Variants in SEMA5B observed in about 807,000 individuals in gnomAD.
SEMA5B encodes semaphorin 5B, also known as semaphorin-5B.
SEMA5B carries 66 observed loss-of-function variants against 135.0 expected under a neutral mutation model. That is an observed-to-expected ratio of 0.49 (90% confidence interval 0.40 to 0.60). The LOEUF (loss-of-function observed/expected upper bound fraction) is 0.60. Ranked by LOEUF, SEMA5B falls within the 20% of genes least tolerant of loss-of-function variation. The probability of loss-of-function intolerance (pLI) is 0.00; values close to 1 mark genes in which losing one functional copy is unlikely to be tolerated. For synonymous variants in SEMA5B, 690 were observed against 639.5 expected, an observed-to-expected ratio of 1.08 and a Z score of -1.19; for missense variants, 1,501 against 1,566.3, an observed-to-expected ratio of 0.96 and a Z score of 0.70.
chr3:123,006,855 C>T (rs1942327409), intron 1 of SEMA5B, among the ~76,000 whole-genome samples: 1 of 152,174 alleles, frequency 6.6e-6, no homozygotes, highest in African/African-American at 2.4e-5. Context: ...AACAGAAACA[C>T]AGCTGCTTAG....
intron 1 of SEMA5B, among the ~76,000 whole-genome samples, chr3:122,991,798 T>C (rs1941885115): frequency 6.6e-6 from 1 of 152,180 alleles, no homozygotes; most frequent in South Asian, 2.1e-4. Flanking sequence ...ATGTTCCCAG[T>C]GGGACCTCAG....
intron 2 of SEMA5B, 130 bp downstream of exon 2, chr3:122,961,010 C>T (rs1440863398): frequency 1.2e-5 from 11 of 945,084 alleles, no homozygotes; most frequent in Non-Finnish European, 1.7e-5. Context: ...AAAGGAAGAG[C>T]TGCTCAAATA....
intron 5 of SEMA5B, among the ~76,000 whole-genome samples, chr3:122,935,473 T>C (rs781481477): frequency 4.6e-5 from 7 of 152,092 alleles, no homozygotes; most frequent in Admixed American, 1.3e-4. Flanking sequence ...GAAGAAAGGA[T>C]TGCTGTTCAG....
At chr3:122,933,458 T>C (rs1051563963) in intron 5 of SEMA5B, among the ~76,000 whole-genome samples, 1 of 152,162 alleles carries the variant, frequency 6.6e-6, no homozygotes, top group African/African-American at 2.4e-5. Flanking sequence ...CTTTTTCTTT[T>C]TTTCTTTAGG....
intron 1 of SEMA5B, among the ~76,000 whole-genome samples, chr3:122,962,952 G>T (rs775862437): frequency 6.6e-6 from 1 of 152,172 alleles, no homozygotes; most frequent in African/African-American, 2.4e-5. Flanking sequence ...CTACAGGTCC[G>T]ATCTGGCCCA....
Position 122,912,058 on chromosome 3 carries a change from G to C in SEMA5B, c.2908C>G (p.Pro970Ala). ...GTGCACTTACTCCACTCAGACCAGG[G>C]CGACCAGCCTTCTGGGGATTGTGGG... ...ATQACPEGWS[P>A]WSEWSKCTDD... is the part of the protein sequence containing the mutation. The change falls in exon 20 of 23, where the codon CCC (proline) becomes GCC (alanine). Residue 970 changes from proline (P) to alanine (A), a missense_variant. Physicochemically the swap from Pro to Ala is conservative, Grantham distance 27. Transcript: ENST00000357599. The C allele has an allele frequency of 3.1e-6, 5 of 1,612,416 alleles. No individual in the cohort carries two copies. Among genetic ancestry groups the C allele is most frequent in the Non-Finnish European group, 4.2e-6 (5 of 1,178,780 alleles).
At chr3:122,997,140 C>A (rs908910666) in intron 1 of SEMA5B, among the ~76,000 whole-genome samples, 2 of 152,168 alleles carry the variant, frequency 1.3e-5, no homozygotes, top group Non-Finnish European at 2.9e-5. Context: ...GCCCTTTACC[C>A]CTTCACAACA....
intron 2 of SEMA5B, among the ~76,000 whole-genome samples, chr3:122,958,949 A>G (rs977338931): frequency 6.6e-6 from 1 of 152,100 alleles, no homozygotes; most frequent in African/African-American, 2.4e-5. Context: ...TCCCACCCAC[A>G]TCCCTCCAGC....
At chr3:122,971,830 T>C (rs1242604941) in intron 1 of SEMA5B, among the ~76,000 whole-genome samples, 1 of 152,224 alleles carries the variant, frequency 6.6e-6, no homozygotes, top group Non-Finnish European at 1.5e-5. Flanking sequence ...AACTCGTCAA[T>C]AGACATGATT....
Position 122,977,571 on chromosome 3 carries a change from C to T in SEMA5B, c.-38-16270G>A, listed in dbSNP as rs368439954. On this transcript the variant is annotated intron_variant, in intron 1 of 22. Transcript: ENST00000357599. Reference sequence around the variant, plus strand: ...AGGGCTGGCAACAGGGACTACAGCTCTACCTAGCCAGCCTCTCATGCTCCT... The same window carrying T: ...AGGGCTGGCAACAGGGACTACAGCTTTACCTAGCCAGCCTCTCATGCTCCT... Among the ~76,000 whole-genome samples, 799 of 152,328 alleles carry T rather than the reference C, an allele frequency of 5.2e-3. 6 individuals are homozygous for T. The highest frequency in any genetic ancestry group is 0.034 in the Middle Eastern group (10 of 294).
At chr3:122,954,792 CTT>C (rs34786092) in intron 2 of SEMA5B, among the ~76,000 whole-genome samples, 31,866 of 129,456 alleles carry the variant, frequency 0.25, 3,477 homozygotes, top group South Asian at 0.36. Flanking sequence ...GGGTGGTCAT[CTT>C]TTTTTTTTTT....
Position 122,912,208 on chromosome 3 carries a change from T to A in SEMA5B, c.2860A>T (p.Thr954Ser), listed in dbSNP as rs969600695. 35 of 1,603,754 alleles carry A rather than the reference T, an allele frequency of 2.2e-5. No homozygotes were observed. The highest frequency in any genetic ancestry group is 2.7e-5 in the Non-Finnish European group (32 of 1,173,662). Residue 954 changes from threonine (T) to serine (S), a missense_variant, in exon 19 of 23, where the codon ACG becomes TCG. Around this residue, in one of 2 missense-constraint regions of SEMA5B, gnomAD observed 927 missense variants for 881.6 expected, o/e 1.05. Transcript: ENST00000357599. ...TGTGTGGCACATAGTGCCTCCTCCG[T>A]GTGCAGCCCGAGACAGATGTCCTCA... The part of the protein sequence containing the change: ...PGEDICLGLH[T>S]EEALCATQAC...
chr3:122,950,744 C>A (rs1228190846), intron 2 of SEMA5B, among the ~76,000 whole-genome samples: 1 of 152,146 alleles, frequency 6.6e-6, no homozygotes, highest in Non-Finnish European at 1.5e-5. Flanking sequence ...AAAAACAGAC[C>A]ACAGAGGCAC....
chr3:122,954,079 C>T (rs567284360), intron 2 of SEMA5B, among the ~76,000 whole-genome samples: 3 of 152,268 alleles, frequency 2.0e-5, no homozygotes, highest in East Asian at 1.9e-4. Flanking sequence ...TTTTATGAGA[C>T]GGGATATCAC....
chr3:123,007,281 T>C lies in SEMA5B; in HGVS notation c.-39+20183A>G, dbSNP rs563031603. Among the ~76,000 whole-genome samples, 6 of 152,170 alleles carry C rather than the reference T, an allele frequency of 3.9e-5. No individual in the cohort carries two copies. The South Asian group carries it at 6.2e-4, about 16-fold the overall frequency. On this transcript the variant is annotated intron_variant, in intron 1 of 22. Coordinates refer to ENST00000357599, the MANE Select transcript of SEMA5B (RefSeq NM_001031702.4). ...ACTAGATAGCCCCTGGGACTACCTC[T>C]AACATACACAGACCCTGACCCTCCC...
chr3:122,920,248 G>A (rs1938282626), intron 12 of SEMA5B, among the ~76,000 whole-genome samples: 1 of 152,186 alleles, frequency 6.6e-6, no homozygotes, highest in African/African-American at 2.4e-5. Context: ...TGTTTCTCCT[G>A]CGCCAAACTC....
At chr3:122,921,871 T>G in intron 12 of SEMA5B, 44 bp downstream of exon 12, 1 of 1,483,772 alleles carries the variant, frequency 6.7e-7, no homozygotes, top group Non-Finnish European at 8.9e-7. Context: ...CTTAAGCGCC[T>G]CCTCCGCAGT....
In SEMA5B at chr3:123,022,476, C is replaced by G. The variant is rs940834974; in HGVS notation, c.-39+4988G>C. ...AGCACATACAGCATTGCCTTTAAAGCTTTCATGTACTCAGGGAAAGCCCGA... is the reference window on the plus strand; with the variant it reads ...AGCACATACAGCATTGCCTTTAAAGGTTTCATGTACTCAGGGAAAGCCCGA... On this transcript the variant is annotated intron_variant, in intron 1 of 22. Coordinates refer to ENST00000357599, the MANE Select transcript of SEMA5B (RefSeq NM_001031702.4). 1.3e-4 allele frequency among the ~76,000 whole-genome samples: 20 copies of G among 152,292 alleles called. No homozygotes were observed. In the East Asian group the frequency reaches 1.9e-3, roughly 15 times the overall value.
chr3:123,004,771 T>G (rs1310194934), intron 1 of SEMA5B, among the ~76,000 whole-genome samples: 1 of 152,136 alleles, frequency 6.6e-6, no homozygotes, highest in East Asian at 1.9e-4. Flanking sequence ...GGTGAACAAA[T>G]AGTTGGTATT....
Sources: gnomAD v4.1 joint callset for allele counts (sites outside exome capture counted in the v4.1 genomes callset) on GRCh38, gnomAD v4.1.1 for gene constraint, gnomAD v4.1.1 regional missense constraint, MANE v1.5 for transcripts, NCBI Gene and HGNC (gene_info 2026-07-23, HGNC 2026-07-21) for gene names.